The following CCDC34 variants were observed in gnomAD, a reference collection of about 807,000 sequenced individuals.
CCDC34 encodes coiled-coil domain-containing protein 34.
Under a neutral mutation model 44.1 loss-of-function variants are expected in CCDC34, and 40 were observed. That is an observed-to-expected ratio of 0.91 (90% CI 0.70 to 1.18). The LOEUF (loss-of-function observed/expected upper bound fraction) is 1.18, where lower values mean the gene tolerates loss of function less well. Ranked by LOEUF, CCDC34 falls within the 50% of genes most tolerant of loss-of-function variation. The pLI, the probability that CCDC34 is intolerant of heterozygous loss-of-function variation, is 0.00. For synonymous variants in CCDC34, 159 were observed against 158.2 expected, an observed-to-expected ratio of 1.01 and a Z score of -0.04; for missense variants, 466 against 452.3, an observed-to-expected ratio of 1.03 and a Z score of -0.28.
chr11:27,358,958 A>ACCC (rs71050907), intron 1 of CCDC34, among the ~76,000 whole-genome samples: 3 of 88,242 alleles, frequency 3.4e-5, no homozygotes, highest in Non-Finnish European at 4.5e-5. Flanking sequence ...CAACATGTGG[A>ACCC]CCCCCCCCCC....
intron 3 of CCDC34, chr11:27,349,649 G>A (rs1045471800): frequency 1.0e-6 from 1 of 983,700 alleles, no homozygotes; most frequent in Non-Finnish European, 1.2e-6. Context: ...AATTTCGAAT[G>A]TGTGTGATCC....
intron 1 of CCDC34, among the ~76,000 whole-genome samples, chr11:27,359,414 A>G (rs1862626596): frequency 6.6e-6 from 1 of 152,152 alleles, no homozygotes; most frequent in South Asian, 2.1e-4. Context: ...TCAGATTAAG[A>G]GCTTAGATTT....
intron 3 of CCDC34, among the ~76,000 whole-genome samples, chr11:27,341,940 T>C (rs990187680): frequency 6.6e-6 from 1 of 152,140 alleles, no homozygotes; most frequent in Admixed American, 6.6e-5. Context: ...GTTCTCATGA[T>C]GGTGAATAAG....
chr11:27,351,112 C>A (rs529577874), intron 2 of CCDC34, among the ~76,000 whole-genome samples: 35 of 152,350 alleles, frequency 2.3e-4, no homozygotes, highest in African/African-American at 7.9e-4. Flanking sequence ...CACTCTGTCA[C>A]TCATCAGTTA....
chr11:27,346,613 A>G (rs1862439027), intron 3 of CCDC34, among the ~76,000 whole-genome samples: 1 of 152,210 alleles, frequency 6.6e-6, no homozygotes, highest in Non-Finnish European at 1.5e-5. Context: ...ATAATAAGCC[A>G]TACAACCCCT....
intron 1 of CCDC34, among the ~76,000 whole-genome samples, chr11:27,358,598 G>A (rs1862612353): frequency 6.6e-6 from 1 of 152,110 alleles, no homozygotes; most frequent in African/African-American, 2.4e-5. Context: ...CACTGTTGAT[G>A]TGTTATTTCT....
chr11:27,347,298 G>A (rs1432105409), intron 3 of CCDC34, among the ~76,000 whole-genome samples: 2 of 152,150 alleles, frequency 1.3e-5, no homozygotes, highest in Non-Finnish European at 2.9e-5. Context: ...TTAGACAAAT[G>A]TTTGGCAATT....
At position 27,363,116 on chromosome 11, in the gene CCDC34, G is replaced by A. The variant is rs765411227; in HGVS notation, c.79C>T (p.Arg27Trp). The A allele has an allele frequency of 3.9e-5, 62 of 1,583,088 alleles. No homozygotes were observed. The highest frequency in any genetic ancestry group is 5.2e-5 in the Non-Finnish European group (61 of 1,164,392). Residue 27 changes from arginine (R) to tryptophan (W), a missense_variant, in exon 1 of 6, where the codon CGG (arginine) becomes TGG (tryptophan). Physicochemically the swap from Arg to Trp is moderately radical, Grantham distance 101. Coordinates refer to ENST00000328697, the MANE Select transcript of CCDC34 (RefSeq NM_030771.2). ...ACTGAGCAGGAGTCCGAGGAGGGCC[G>A]AGACCTGGGTCTGCAGTCAGCAGAG... The part of the protein sequence containing the change: ...GFSADCRPRS[R>W]PSSDSCSVPM...
chr11:27,346,369 T>C (rs1862433487), intron 3 of CCDC34, among the ~76,000 whole-genome samples: 1 of 138,350 alleles, frequency 7.2e-6, no homozygotes, highest in Admixed American at 7.9e-5. Context: ...CACTCCAGCC[T>C]GGTCAACAGA....
At chr11:27,344,480 C>T (rs1862406525) in intron 3 of CCDC34, among the ~76,000 whole-genome samples, 1 of 151,716 alleles carries the variant, frequency 6.6e-6, no homozygotes, top group Non-Finnish European at 1.5e-5. Flanking sequence ...CGCATTGTTA[C>T]ATGTTATAAA....
intron 3 of CCDC34, among the ~76,000 whole-genome samples, chr11:27,347,438 A>C (rs1862449531): frequency 6.6e-6 from 1 of 152,216 alleles, no homozygotes; most frequent in Non-Finnish European, 1.5e-5. Flanking sequence ...TTTATTCATA[A>C]TATCCCAAAC....
intron 2 of CCDC34, among the ~76,000 whole-genome samples, chr11:27,355,052 T>A (rs1422594209): frequency 6.6e-6 from 1 of 152,084 alleles, no homozygotes; most frequent in Non-Finnish European, 1.5e-5. Flanking sequence ...TTACTAACTT[T>A]CTGAAATTCA....
At chr11:27,340,215 A>G (rs1259635603) in intron 5 of CCDC34, among the ~76,000 whole-genome samples, 1 of 152,214 alleles carries the variant, frequency 6.6e-6, no homozygotes, top group Non-Finnish European at 1.5e-5. Context: ...AAGCACAAAG[A>G]AAAACATGCA....
chr11:27,340,211 A>G (rs1421153589), intron 5 of CCDC34, among the ~76,000 whole-genome samples: 3 of 152,234 alleles, frequency 2.0e-5, no homozygotes, highest in Non-Finnish European at 4.4e-5. Flanking sequence ...CATGAAGCAC[A>G]AAGAAAAACA....
Position 27,356,390 on chromosome 11 carries a change from A to G in CCDC34, c.498+1013T>C, listed in dbSNP as rs370887199. Among the ~76,000 whole-genome samples, 5 of 152,188 alleles carry G rather than the reference A, an allele frequency of 3.3e-5. No homozygotes were observed. In the East Asian group the frequency reaches 7.7e-4, roughly 24 times the overall value. On this transcript the variant is annotated intron_variant, in intron 2 of 5. Transcript: ENST00000328697. ...CAACAAGAGTGAAACAGATAACTAT[A>G]TTTTAACAAATATGTAATACATTTT...
intron 3 of CCDC34, chr11:27,348,906 C>T: frequency 1.0e-6 from 1 of 983,242 alleles, no homozygotes; most frequent in Non-Finnish European, 1.2e-6. Context: ...AAATAATTCT[C>T]AACATTACGG....
intron 5 of CCDC34, among the ~76,000 whole-genome samples, chr11:27,340,018 G>T (rs929477319): frequency 4.0e-5 from 6 of 151,304 alleles, no homozygotes; most frequent in Admixed American, 4.0e-4. Flanking sequence ...CCTGACAGCA[G>T]GAATGTGTCT....
intron 3 of CCDC34, among the ~76,000 whole-genome samples, chr11:27,346,783 T>C (rs759401515): frequency 2.0e-4 from 30 of 152,222 alleles, no homozygotes; most frequent in South Asian, 4.1e-4. Flanking sequence ...ATCCTCAATG[T>C]GACTGTATTT....
chr11:27,340,557 C>T (rs1373186851), intron 5 of CCDC34, 139 bp downstream of exon 5: 2 of 831,078 alleles, frequency 2.4e-6, no homozygotes, highest in African/African-American at 1.8e-5. Flanking sequence ...AGGAACATGA[C>T]ATGTTTATAA....
Sources: gnomAD v4.1 joint callset for allele counts (sites outside exome capture counted in the v4.1 genomes callset) on GRCh38, gnomAD v4.1.1 for gene constraint, MANE v1.5 for transcripts, NCBI Gene and HGNC (gene_info 2026-07-23, HGNC 2026-07-21) for gene names.